RFX3: variants seen among roughly 807,000 people sequenced by gnomAD.
RFX3 encodes the protein transcription factor RFX3.
A neutral mutation model predicts 98.6 loss-of-function variants in RFX3; 14 were observed. That is an observed-to-expected ratio of 0.14 (90% CI 0.09 to 0.22). The LOEUF (loss-of-function observed/expected upper bound fraction) is 0.22. Among genes scored for constraint, RFX3 ranks in the 10% least tolerant of loss-of-function variants. The probability of loss-of-function intolerance (pLI) is 1.00; values close to 1 mark genes in which losing one functional copy is unlikely to be tolerated. For synonymous variants in RFX3, 383 were observed against 328.4 expected (o/e 1.17, Z -1.80); for missense variants, 639 against 926.9 (o/e 0.69, Z 4.03).
intron 2 of RFX3, among the ~76,000 whole-genome samples, chr9:3,379,568 T>C (rs1004133592): frequency 6.6e-6 from 1 of 152,216 alleles, no homozygotes; most frequent in Non-Finnish European, 1.5e-5. Flanking sequence ...CACACTGAAA[T>C]TGAGTGGAAA....
intron 1 of RFX3, among the ~76,000 whole-genome samples, chr9:3,420,395 A>T (rs1199282924): frequency 6.6e-6 from 1 of 151,726 alleles, no homozygotes; most frequent in Non-Finnish European, 1.5e-5. Context: ...GCAGTCATAA[A>T]TATCACCATC....
At chr9:3,423,673 T>C (rs1227613954) in intron 1 of RFX3, among the ~76,000 whole-genome samples, 2 of 151,480 alleles carry the variant, frequency 1.3e-5, no homozygotes, top group Admixed American at 6.6e-5. Flanking sequence ...AGTATAAAAA[T>C]GTTCTACAAC....
intron 2 of RFX3, among the ~76,000 whole-genome samples, chr9:3,360,347 C>A (rs1237483547): frequency 7.9e-5 from 12 of 152,008 alleles, no homozygotes; most frequent in African/African-American, 1.4e-4. Flanking sequence ...GAATAATCTG[C>A]AATTTCACTA....
intron 13 of RFX3, 100 bp downstream of exon 13, chr9:3,262,835 A>AT: frequency 8.2e-7 from 1 of 1,214,552 alleles, no homozygotes; most frequent in Non-Finnish European, 1.2e-6. Flanking sequence ...ATGCTGCCAT[A>AT]TATAGATGAG....
intron 1 of RFX3, among the ~76,000 whole-genome samples, chr9:3,410,012 A>G (rs1380197450): frequency 1.3e-5 from 2 of 152,154 alleles, no homozygotes; most frequent in Admixed American, 6.6e-5. Flanking sequence ...CAGACGCGCA[A>G]AGTGCTTACT....
chr9:3,508,293 G>C (rs1408336561), intron 1 of RFX3, among the ~76,000 whole-genome samples: 1 of 151,762 alleles, frequency 6.6e-6, no homozygotes. Context: ...CCCAATTTAA[G>C]GCTTGCAAGT....
intron 1 of RFX3, among the ~76,000 whole-genome samples, chr9:3,483,583 C>G (rs1487858455): frequency 6.6e-6 from 1 of 151,642 alleles, no homozygotes; most frequent in Admixed American, 6.6e-5. Context: ...TAGGGGAACT[C>G]TATAATCAGA....
In RFX3 at chr9:3,277,333, A is replaced by G; in HGVS notation, c.973+7T>C. On this transcript the variant is annotated splice_region_variant and intron_variant, in intron 8 of 16. Coordinates refer to ENST00000617270, the MANE Select transcript of RFX3 (RefSeq NM_001282116.2). ...TAGCAACTAATATGCATTACACCTTAACATACCTAAAAACTGTTGATGATG... is the reference window on the plus strand; with the variant it reads ...TAGCAACTAATATGCATTACACCTTGACATACCTAAAAACTGTTGATGATG... The G allele has an allele frequency of 6.2e-7, 1 of 1,612,242 alleles. No homozygotes were observed. Among genetic ancestry groups the G allele is most frequent in the African/African-American group, 1.3e-5 (1 of 74,944 alleles).
intron 4 of RFX3, among the ~76,000 whole-genome samples, chr9:3,305,514 C>T (rs185638887): frequency 2.6e-5 from 4 of 151,748 alleles, no homozygotes; most frequent in Admixed American, 6.6e-5. Flanking sequence ...ATCATGACAA[C>T]GGTGGGAAAG....
intron 1 of RFX3, among the ~76,000 whole-genome samples, chr9:3,508,367 G>A (rs949721995): frequency 6.6e-6 from 1 of 151,774 alleles, no homozygotes; most frequent in African/African-American, 2.4e-5. Flanking sequence ...TCTAATTTAT[G>A]AGTCAGTATA....
chr9:3,375,102 C>G (rs1838311181), intron 2 of RFX3, among the ~76,000 whole-genome samples: 1 of 152,174 alleles, frequency 6.6e-6, no homozygotes. Flanking sequence ...AATATTTACT[C>G]AAGCTCTCTA....
intron 1 of RFX3, among the ~76,000 whole-genome samples, chr9:3,504,793 T>C (rs1248352535): frequency 2.5e-5 from 2 of 81,210 alleles, no homozygotes; most frequent in African/African-American, 1.0e-4. Context: ...ATAAAATATA[T>C]ATTATATTAT....
chr9:3,366,722 C>CTTTCTTTCTTTCT (rs1837230145), intron 2 of RFX3, among the ~76,000 whole-genome samples: 1 of 90,758 alleles, frequency 1.1e-5, no homozygotes, highest in Non-Finnish European at 2.3e-5. Context: ...TTCTTTCTTT[C>CTTTCTTTCTTTCT]TTTCTTTCTT....
chr9:3,338,041 G>C (rs1344967968), intron 3 of RFX3, among the ~76,000 whole-genome samples: 4 of 152,180 alleles, frequency 2.6e-5, no homozygotes, highest in East Asian at 1.9e-4. Flanking sequence ...ATATTCATCA[G>C]ACTGAAGGCA....
intron 2 of RFX3, 33 bp from the exon 3 acceptor site, chr9:3,346,797 G>T: frequency 7.4e-7 from 1 of 1,347,064 alleles, no homozygotes; most frequent in Non-Finnish European, 1.1e-6. Flanking sequence ...TTGGTAAGAG[G>T]TAGGTATGAT....
chr9:3,464,941 G>A (rs1848069074), intron 1 of RFX3, among the ~76,000 whole-genome samples: 1 of 151,922 alleles, frequency 6.6e-6, no homozygotes, highest in Non-Finnish European at 1.5e-5. Flanking sequence ...GTTATCGGTG[G>A]AAAGGTAAGT....
intron 3 of RFX3, among the ~76,000 whole-genome samples, chr9:3,331,025 G>A (rs1355077184): frequency 6.6e-6 from 1 of 151,912 alleles, no homozygotes; most frequent in Non-Finnish European, 1.5e-5. Flanking sequence ...AGGATCTTAA[G>A]CAAATAGTTT....
At chr9:3,402,997 C>T (rs1012013392) in intron 1 of RFX3, among the ~76,000 whole-genome samples, 10 of 151,858 alleles carry the variant, frequency 6.6e-5, no homozygotes, top group African/African-American at 2.2e-4. Flanking sequence ...ATTATTAATG[C>T]ATATATATGT....
intron 4 of RFX3, among the ~76,000 whole-genome samples, chr9:3,312,892 G>A (rs905067487): frequency 8.5e-5 from 13 of 152,332 alleles, no homozygotes; most frequent in African/African-American, 2.6e-4. Flanking sequence ...GGAGCCCACC[G>A]CAGATCAAGG....
Sources: allele counts gnomAD v4.1 joint callset (sites outside exome capture counted in the v4.1 genomes callset), GRCh38; gene constraint gnomAD v4.1.1; transcripts MANE v1.5; gene names NCBI Gene and HGNC (gene_info 2026-07-23, HGNC 2026-07-21).